The following IFNA4 variants were observed in gnomAD, a reference collection of about 807,000 sequenced individuals.
The protein encoded by IFNA4 is interferon alpha-4.
For missense variants in IFNA4, 225 were observed against 214.9 expected (o/e 1.05, Z -0.29); for synonymous variants, 84 against 86.0 (o/e 0.98, Z 0.13).
chr9:21,186,919 A>G (rs745949192), exon 1 of IFNA4: 102 of 1,608,074 alleles, frequency 6.3e-5, no homozygotes, highest in Non-Finnish European at 7.6e-5. Flanking sequence ...AGTGTGAGAT[A>G]ATGTATTAGT....
At chr9:21,186,921 T>C (rs1302227464) in exon 1 of IFNA4, 1 of 1,609,096 alleles carries the variant, frequency 6.2e-7, no homozygotes, top group Non-Finnish European at 8.5e-7. Context: ...TGTGAGATAA[T>C]GTATTAGTCA....
chr9:21,186,849 A>C, exon 1 of IFNA4: 1 of 1,544,408 alleles, frequency 6.5e-7, no homozygotes, highest in African/African-American at 1.4e-5. Context: ...ACATTTGAAA[A>C]TTTTGATTCA....
chr9:21,186,851 T>A, exon 1 of IFNA4: 2 of 1,548,130 alleles, frequency 1.3e-6, no homozygotes, highest in Non-Finnish European at 1.7e-6. Context: ...ATTTGAAAAT[T>A]TTGATTCAAC....
chr9:21,186,966 T>G, exon 1 of IFNA4: 1 of 1,613,976 alleles, frequency 6.2e-7, no homozygotes, highest in Non-Finnish European at 8.5e-7. Context: ...CAGGTTTCAA[T>G]CCTTCCTCCT....
At chr9:21,187,339 C>T (rs1249210214) in exon 1 of IFNA4, 6 of 1,613,988 alleles carry the variant, frequency 3.7e-6, no homozygotes, top group African/African-American at 1.3e-5. Flanking sequence ...CCATCAAACT[C>T]CTCCTCGGGG....
At chr9:21,186,825 T>A (rs1319816541) in exon 1 of IFNA4, 12 of 1,435,822 alleles carry the variant, frequency 8.4e-6, no homozygotes, top group Non-Finnish European at 1.1e-5. Flanking sequence ...CCAAGCTTCT[T>A]CACACTGCTG....
chr9:21,187,149 C>A, exon 1 of IFNA4: 4 of 1,613,976 alleles, frequency 2.5e-6, no homozygotes, highest in Non-Finnish European at 2.5e-6. Context: ...CTCTTCCACC[C>A]CAACCTCCTG....
At position 21,187,568 on chromosome 9, in the gene IFNA4, G is replaced by C. The variant is rs758934445; in HGVS notation, c.-37C>G. On this transcript the variant is annotated 5_prime_UTR_variant, in exon 1 of 1. It adds an upstream start codon to the 5' untranslated region. Coordinates refer to ENST00000421715, the Ensembl canonical transcript of IFNA4. ...AAATATTGCTAGGCTACTTGAGATGGATAACCTTGAACTTCGGCCTCTAGG... is the reference window on the plus strand; with the variant it reads ...AAATATTGCTAGGCTACTTGAGATGCATAACCTTGAACTTCGGCCTCTAGG... 1.3e-6 allele frequency: 2 copies of C among 1,571,832 alleles called. No homozygotes were observed. The highest frequency in any genetic ancestry group is 1.8e-5 in the Admixed American group (1 of 54,120).
exon 1 of IFNA4, chr9:21,186,980 T>G (rs764751579): frequency 6.2e-7 from 1 of 1,614,108 alleles, no homozygotes; most frequent in Middle Eastern, 1.7e-4. Context: ...TCCTCCTTAA[T>G]CTTTTTTGCA....
At chr9:21,187,366 T>A in the IFNA4 span, 1 of 1,614,220 alleles carries the variant, frequency 6.2e-7, no homozygotes, top group Non-Finnish European at 8.5e-7. Context: ...AAATCATGTC[T>A]GTCCTTCAGG....
At chr9:21,187,460 A>G in exon 1 of IFNA4, 1 of 1,614,162 alleles carries the variant, frequency 6.2e-7, no homozygotes, top group Non-Finnish European at 8.5e-7. Flanking sequence ...GAGGCAGATC[A>G]CAGCCCAGAG....
At chr9:21,187,165 C>T (rs1157686662) in exon 1 of IFNA4, 3 of 1,613,878 alleles carry the variant, frequency 1.9e-6, no homozygotes, top group Admixed American at 1.7e-5. Context: ...TCCTGTATCA[C>T]ACATGCTTCC....
chr9:21,187,371 T>G, exon 1 of IFNA4: 1 of 1,614,180 alleles, frequency 6.2e-7, no homozygotes, highest in Non-Finnish European at 8.5e-7. Flanking sequence ...ATGTCTGTCC[T>G]TCAGGCAGGA....
exon 1 of IFNA4, chr9:21,186,958 G>C (rs773227777): frequency 2.5e-6 from 4 of 1,613,776 alleles, no homozygotes; most frequent in African/African-American, 1.3e-5. Context: ...TGTTGAACCA[G>C]GTTTCAATCC....
exon 1 of IFNA4, chr9:21,187,253 T>C (rs1414401663): frequency 6.2e-7 from 1 of 1,609,904 alleles, no homozygotes. Context: ...ATGAGTCCTC[T>C]GTGCTGAAGA....
chr9:21,187,245 G>A (rs1409079710), exon 1 of IFNA4: 1 of 1,611,326 alleles, frequency 6.2e-7, no homozygotes, highest in African/African-American at 1.3e-5. Flanking sequence ...AGCAGCAGAT[G>A]AGTCCTCTGT....
rs765839968 is a variant in IFNA4, at chr9:21,187,309, G to T, written c.223C>A (p.Gln75Lys). 5 of 1,613,830 alleles carry T rather than the reference G, an allele frequency of 3.1e-6. No homozygotes were observed. In the African/African-American group the frequency reaches 4.0e-5, roughly 13 times the overall value. Residue 75 changes from glutamine to lysine, a missense_variant, in exon 1 of 1, where the codon CAA becomes AAA. Gln to Lys is a moderately conservative substitution (Grantham distance 53). Coordinates refer to ENST00000421715, the Ensembl canonical transcript of IFNA4. ...ATCTCATGGAGGACAGAGATGGCTT[G>T]AGCCTTCTGGAACTGGTGGCCATCA... is the stretch of plus-strand genomic sequence containing the variant.
exon 1 of IFNA4, chr9:21,186,756 G>C: frequency 2.2e-6 from 1 of 460,724 alleles, no homozygotes; most frequent in Non-Finnish European, 3.7e-6. Flanking sequence ...TAAATAAATA[G>C]ATGAACAGAG....
chr9:21,186,894 G>A, exon 1 of IFNA4: 1 of 1,592,328 alleles, frequency 6.3e-7, no homozygotes, highest in Non-Finnish European at 8.5e-7. Context: ...TCTTTGAAAT[G>A]GAAGAACTCA....
Sources: gnomAD v4.1 joint callset for allele counts on GRCh38, gnomAD v4.1.1 for gene constraint, MANE v1.5 for transcripts, NCBI Gene and HGNC (gene_info 2026-07-23, HGNC 2026-07-21) for gene names.